MAGI1: variants seen among roughly 807,000 people sequenced by gnomAD.
MAGI1 encodes membrane associated guanylate kinase, WW and PDZ domain containing 1.
MAGI1 carries 58 observed loss-of-function variants against 139.9 expected under a neutral mutation model. The ratio of observed to expected loss-of-function variants is 0.41; its 90% CI spans 0.34 to 0.52. The LOEUF is 0.52. Among genes scored for constraint, MAGI1 ranks in the 20% least tolerant of loss-of-function variants. MAGI1 has a pLI of 0.12. For missense variants in MAGI1, 1,874 were observed against 1,901.6 expected (o/e 0.99, Z 0.27); for synonymous variants, 812 against 737.9 (o/e 1.10, Z -1.63).
intron 1 of MAGI1, among the ~76,000 whole-genome samples, chr3:65,940,227 C>T (rs534765656): frequency 6.6e-6 from 1 of 152,150 alleles, no homozygotes; most frequent in Non-Finnish European, 1.5e-5. Flanking sequence ...CTAGGAATGG[C>T]TGCTCAAAGA....
intron 2 of MAGI1, among the ~76,000 whole-genome samples, chr3:65,596,948 T>C (rs977055190): frequency 5.9e-5 from 9 of 152,226 alleles, no homozygotes; most frequent in South Asian, 2.1e-4. Flanking sequence ...CTTTTAGAAA[T>C]AGGAAAACGG....
intron 1 of MAGI1, among the ~76,000 whole-genome samples, chr3:65,963,368 A>T (rs1488067928): frequency 6.7e-6 from 1 of 149,750 alleles, no homozygotes; most frequent in Non-Finnish European, 1.5e-5. Flanking sequence ...CTGTAATCCC[A>T]CCACTTTGGG....
chr3:65,860,518 C>A (rs1175803591), intron 1 of MAGI1, among the ~76,000 whole-genome samples: 1 of 152,194 alleles, frequency 6.6e-6, no homozygotes, highest in Non-Finnish European at 1.5e-5. Context: ...CGTTCCCCTC[C>A]CTCCGCACCG....
At chr3:65,884,838 G>A (rs2060470011) in intron 1 of MAGI1, among the ~76,000 whole-genome samples, 1 of 152,114 alleles carries the variant, frequency 6.6e-6, no homozygotes, top group East Asian at 1.9e-4. Context: ...TTCTGTTAGA[G>A]GAACAGAGAT....
rs150042480 is a variant in MAGI1, at chr3:65,386,192, G to C, written c.2417-2569C>G. On this transcript the variant is annotated intron_variant, in intron 14 of 22. Coordinates refer to ENST00000402939, the MANE Select transcript of MAGI1 (RefSeq NM_001033057.2). ...GCTCATTTAGGTGTGAGCTAGCATG[G>C]TATGGGAGGTTGTGGCCAACAGATT... 3.6e-3 allele frequency among the ~76,000 whole-genome samples: 541 copies of C among 151,634 alleles called. 5 individuals are homozygous for C. Among genetic ancestry groups the C allele is most frequent in the African/African-American group, 0.013 (520 of 41,282 alleles).
intron 1 of MAGI1, among the ~76,000 whole-genome samples, chr3:65,951,962 A>T (rs945083102): frequency 2.0e-5 from 3 of 152,222 alleles, no homozygotes; most frequent in African/African-American, 7.2e-5. Flanking sequence ...TACTGTAGTG[A>T]TAAGAGTAAA....
intron 12 of MAGI1, among the ~76,000 whole-genome samples, chr3:65,411,163 T>C (rs1432394783): frequency 6.6e-6 from 1 of 152,194 alleles, no homozygotes; most frequent in African/African-American, 2.4e-5. Flanking sequence ...GTTTCTCATA[T>C]GGTTCTAGGA....
At chr3:65,384,621 C>G (rs187578295) in intron 14 of MAGI1, among the ~76,000 whole-genome samples, 7 of 152,184 alleles carry the variant, frequency 4.6e-5, no homozygotes, top group Admixed American at 6.5e-5. Flanking sequence ...GTACTCCTAG[C>G]TATTCGGGAG....
chr3:65,427,242 G>T (rs1425951627), intron 12 of MAGI1, among the ~76,000 whole-genome samples: 1 of 152,086 alleles, frequency 6.6e-6, no homozygotes, highest in Non-Finnish European at 1.5e-5. Context: ...AAACTAGGAG[G>T]TTGAGGCTGC....
chr3:65,364,986 G>C (rs1941270981), intron 18 of MAGI1, 40 bp from the exon 19 acceptor site: 1 of 1,537,942 alleles, frequency 6.5e-7, no homozygotes, highest in African/African-American at 1.4e-5. Flanking sequence ...GAAGACCCCA[G>C]AGAAGACATC....
At chr3:65,516,290 C>G (rs2077873200) in intron 2 of MAGI1, among the ~76,000 whole-genome samples, 1 of 152,066 alleles carries the variant, frequency 6.6e-6, no homozygotes, top group Admixed American at 6.5e-5. Context: ...AGCGATTCCC[C>G]TGCCTCAGCC....
chr3:65,491,606 G>T (rs1006561386), intron 3 of MAGI1, among the ~76,000 whole-genome samples: 4 of 152,052 alleles, frequency 2.6e-5, no homozygotes, highest in Non-Finnish European at 4.4e-5. Context: ...CCAAAGAGGA[G>T]TCACACATGC....
chr3:65,393,619 A>G (rs1016553), intron 13 of MAGI1, among the ~76,000 whole-genome samples: 133,409 of 152,172 alleles, frequency 0.88, 59,147 homozygotes, highest in Middle Eastern at 0.96. Context: ...AAAAAACTCA[A>G]TAAAAGACCT....
intron 1 of MAGI1, among the ~76,000 whole-genome samples, chr3:65,705,477 T>A (rs944415675): frequency 6.6e-5 from 10 of 152,248 alleles, no homozygotes; most frequent in Non-Finnish European, 1.5e-4. Context: ...GTTTGTGTTA[T>A]GTGAATTTTA....
At chr3:65,968,636 A>C (rs1157719298) in intron 1 of MAGI1, among the ~76,000 whole-genome samples, 2 of 151,528 alleles carry the variant, frequency 1.3e-5, no homozygotes, top group African/African-American at 4.8e-5. Context: ...GAGCAAGAGA[A>C]AGGAGGGGAA....
intron 1 of MAGI1, among the ~76,000 whole-genome samples, chr3:65,921,368 G>C (rs961247466): frequency 1.3e-5 from 2 of 151,630 alleles, no homozygotes; most frequent in African/African-American, 4.9e-5. Context: ...AGTGCAGGGG[G>C]CACAATCTCA....
At position 65,434,781 on chromosome 3, in the gene MAGI1, A is replaced by G. The variant is rs181867506; in HGVS notation, c.1363+2374T>C. On this transcript the variant is annotated intron_variant, in intron 10 of 22. Coordinates refer to ENST00000402939, the MANE Select transcript of MAGI1 (RefSeq NM_001033057.2). ...TGGTATCAGTTATATTCCAAAGATT[A>G]TAAAAGTGCTTGAAACGTGTGGATC... 6.2e-4 allele frequency among the ~76,000 whole-genome samples: 95 copies of G among 152,312 alleles called. 1 individual carries two copies. Among genetic ancestry groups the G allele is most frequent in the African/African-American group, 2.2e-3 (93 of 41,574 alleles).
intron 14 of MAGI1, among the ~76,000 whole-genome samples, chr3:65,385,308 T>G (rs1943358767): frequency 6.6e-6 from 1 of 152,188 alleles, no homozygotes; most frequent in Non-Finnish European, 1.5e-5. Context: ...ATACATAGGG[T>G]GTTTTATGAC....
chr3:65,632,275 C>A (rs1289928730), intron 1 of MAGI1, among the ~76,000 whole-genome samples: 1 of 152,122 alleles, frequency 6.6e-6, no homozygotes, highest in African/African-American at 2.4e-5. Context: ...CAAAATGAGA[C>A]TAATTTTTCC....
Sources: gnomAD v4.1 joint callset for allele counts (sites outside exome capture counted in the v4.1 genomes callset) on GRCh38, gnomAD v4.1.1 for gene constraint, MANE v1.5 for transcripts, NCBI Gene and HGNC (gene_info 2026-07-23, HGNC 2026-07-21) for gene names.